THSD7A: variants seen among roughly 807,000 people sequenced by gnomAD.
The protein encoded by THSD7A is thrombospondin type 1 domain containing 7A.
A neutral mutation model predicts 231.3 loss-of-function variants in THSD7A; 96 were observed. The observed-to-expected ratio is 0.41, with a 90% CI of 0.35 to 0.49. The LOEUF is 0.49. THSD7A is among the 20% of genes least tolerant of loss of function. The pLI, the probability that THSD7A is intolerant of heterozygous loss-of-function variation, is 0.05. For missense variants in THSD7A, 2,290 were observed against 2,070.2 expected (o/e 1.11, Z -2.06); for synonymous variants, 940 against 743.3 (o/e 1.26, Z -4.30).
chr7:11,394,856 C>A (rs183193214), intron 23 of THSD7A, among the ~76,000 whole-genome samples: 3 of 152,250 alleles, frequency 2.0e-5, no homozygotes, highest in East Asian at 1.9e-4. Flanking sequence ...AGACCCAGCA[C>A]AAACACATAC....
intron 1 of THSD7A, among the ~76,000 whole-genome samples, chr7:11,680,056 T>A (rs1264570852): frequency 2.0e-5 from 3 of 150,456 alleles, no homozygotes; most frequent in African/African-American, 7.4e-5. Context: ...TCTACAACCA[T>A]CTGATCTTTG....
intron 13 of THSD7A, among the ~76,000 whole-genome samples, chr7:11,440,363 G>C (rs1440278669): frequency 2.0e-5 from 3 of 151,988 alleles, no homozygotes; most frequent in Admixed American, 1.3e-4. Flanking sequence ...GCAGCACATG[G>C]GCCAAAGAGT....
At chr7:11,641,770 AATAT>A (rs1782090921) in intron 1 of THSD7A, among the ~76,000 whole-genome samples, 1 of 120,822 alleles carries the variant, frequency 8.3e-6, no homozygotes, top group African/African-American at 2.7e-5. Context: ...AATAAAATAT[AATAT>A]AATAAAATAA....
intron 4 of THSD7A, among the ~76,000 whole-genome samples, chr7:11,556,634 A>T (rs1450539400): frequency 6.6e-6 from 1 of 151,748 alleles, no homozygotes; most frequent in Non-Finnish European, 1.5e-5. Flanking sequence ...AACTTTCTTT[A>T]GCTATTCTTT....
Position 11,424,203 on chromosome 7 carries a change from A to C in THSD7A, c.3383+493T>G, listed in dbSNP as rs543752894. On this transcript the variant is annotated intron_variant, in intron 16 of 27. Transcript: ENST00000423059. ...TTTAAACTTAATTTTTTTTAATTTA[A>C]ATTGAGTTAGTGTGGCTAGTGGCTA... 9.3e-5 allele frequency among the ~76,000 whole-genome samples: 14 copies of C among 150,820 alleles called. No homozygotes were observed. In the South Asian group the frequency reaches 2.9e-3, roughly 31 times the overall value.
At chr7:11,788,944 A>C (rs967551865) in intron 1 of THSD7A, among the ~76,000 whole-genome samples, 2 of 151,954 alleles carry the variant, frequency 1.3e-5, no homozygotes, top group African/African-American at 4.8e-5. Context: ...ACAGGAAACA[A>C]GCAGTTACAT....
At chr7:11,749,467 C>A (rs184941577) in intron 1 of THSD7A, among the ~76,000 whole-genome samples, 1 of 152,040 alleles carries the variant, frequency 6.6e-6, no homozygotes, top group African/African-American at 2.4e-5. Context: ...GTCTAGCAAA[C>A]AGATATAAAA....
At chr7:11,587,524 G>T (rs1174053811) in intron 4 of THSD7A, among the ~76,000 whole-genome samples, 1 of 152,034 alleles carries the variant, frequency 6.6e-6, no homozygotes, top group Admixed American at 6.6e-5. Context: ...ACTCTTTACA[G>T]GTGCTATCTC....
At chr7:11,685,565 T>C (rs981759909) in intron 1 of THSD7A, among the ~76,000 whole-genome samples, 1 of 151,792 alleles carries the variant, frequency 6.6e-6, no homozygotes, top group Admixed American at 6.6e-5. Context: ...GCAAAAGCCA[T>C]AAATGGACAC....
chr7:11,657,030 C>A (rs1031984747), intron 1 of THSD7A, among the ~76,000 whole-genome samples: 1 of 151,776 alleles, frequency 6.6e-6, no homozygotes, highest in East Asian at 1.9e-4. Flanking sequence ...TTGTGTCCTA[C>A]AGTCATGATC....
chr7:11,706,249 T>C (rs1230375066), intron 1 of THSD7A, among the ~76,000 whole-genome samples: 3 of 150,908 alleles, frequency 2.0e-5, no homozygotes, highest in African/African-American at 7.3e-5. Context: ...AGCACATGTG[T>C]ATTGTCCCAT....
chr7:11,766,940 A>G (rs1783048975), intron 1 of THSD7A, among the ~76,000 whole-genome samples: 1 of 152,190 alleles, frequency 6.6e-6, no homozygotes, highest in Admixed American at 6.5e-5. Flanking sequence ...TGTCTTAGGT[A>G]TGGTAATGAT....
chr7:11,386,390 C>T (rs1040161223), intron 23 of THSD7A, among the ~76,000 whole-genome samples: 2 of 152,268 alleles, frequency 1.3e-5, no homozygotes, highest in Middle Eastern at 3.4e-3. Context: ...TGTATCCTGA[C>T]TTTTAAATGA....
chr7:11,552,972 C>CT (rs1292367285), intron 4 of THSD7A, among the ~76,000 whole-genome samples: 2 of 152,094 alleles, frequency 1.3e-5, no homozygotes, highest in Non-Finnish European at 2.9e-5. Context: ...ACCCTTCTCT[C>CT]TCTCTAGAGA....
At chr7:11,417,071 G>A (rs994210740) in intron 17 of THSD7A, among the ~76,000 whole-genome samples, 6 of 152,198 alleles carry the variant, frequency 3.9e-5, no homozygotes, top group African/African-American at 1.4e-4. Context: ...AGCAATGGAT[G>A]AGAATAACCT....
At chr7:11,819,761 A>T (rs759348122) in intron 1 of THSD7A, among the ~76,000 whole-genome samples, 47 of 152,190 alleles carry the variant, frequency 3.1e-4, no homozygotes, top group Non-Finnish European at 5.4e-4. Context: ...CATATCTGTT[A>T]AAAATCCTTA....
At chr7:11,423,326 G>T (rs1406062652) in intron 16 of THSD7A, among the ~76,000 whole-genome samples, 1 of 151,438 alleles carries the variant, frequency 6.6e-6, no homozygotes, top group Non-Finnish European at 1.5e-5. Flanking sequence ...GTTGGGTTAT[G>T]GGTAAGAATG....
intron 1 of THSD7A, among the ~76,000 whole-genome samples, chr7:11,796,610 T>G (rs1483546946): frequency 6.7e-6 from 1 of 150,202 alleles, no homozygotes. Flanking sequence ...TCCTTTTCTC[T>G]TGTAAGATTA....
intron 9 of THSD7A, among the ~76,000 whole-genome samples, chr7:11,464,063 C>G (rs191250873): frequency 1.2e-3 from 177 of 152,252 alleles, no homozygotes; most frequent in Admixed American, 0.01. Context: ...TTTTCTCTCC[C>G]TCTTCCTTCT....
Sources: gnomAD v4.1 joint callset for allele counts (sites outside exome capture counted in the v4.1 genomes callset) on GRCh38, gnomAD v4.1.1 for gene constraint, MANE v1.5 for transcripts, NCBI Gene and HGNC (gene_info 2026-07-23, HGNC 2026-07-21) for gene names.